Variants in AK2 observed in about 807,000 individuals in gnomAD.
AK2 encodes adenylate kinase 2, mitochondrial.
In AK2, 15 loss-of-function variants were observed where a neutral mutation model predicts 24.6. That is an observed-to-expected ratio of 0.61 (90% CI 0.41 to 0.94). The LOEUF (loss-of-function observed/expected upper bound fraction) is 0.94. Among genes scored for constraint, AK2 ranks in the 40% least tolerant of loss-of-function variants. The pLI, the probability that AK2 is intolerant of heterozygous loss-of-function variation, is 0.00. For synonymous variants in AK2, 102 were observed against 114.0 expected, an observed-to-expected ratio of 0.90 and a Z score of 0.67; for missense variants, 257 against 304.1, an observed-to-expected ratio of 0.85 and a Z score of 1.15.
Position 33,021,806 on chromosome 1 carries a change from C to T in AK2, c.220-103G>A, listed in dbSNP as rs577063618. On this transcript the variant is annotated intron_variant, in intron 2 of 5. Coordinates refer to ENST00000672715, the MANE Select transcript of AK2 (RefSeq NM_001625.4). ...AAAGTTTGTGTATATAACCTTATTA[C>T]TAAACAGCAAGTTTTCTTGGACCCA... 1.7e-4 allele frequency: 144 copies of T among 859,070 alleles called. 4 individuals carry two copies. The highest frequency in any genetic ancestry group is 3.3e-4 in the East Asian group (13 of 38,972). The allele number at this position is 859,070 out of a possible 1,614,324, so 53.2% of individuals were successfully genotyped here.
At chr1:33,026,093 G>A (rs549897041) in intron 1 of AK2, among the ~76,000 whole-genome samples, 3 of 152,328 alleles carry the variant, frequency 2.0e-5, no homozygotes, top group African/African-American at 7.2e-5. Flanking sequence ...AATATAATCA[G>A]TTCAAGGAGC....
In AK2 at chr1:33,013,120, T is replaced by C; in HGVS notation, c.*61A>G. 1 of 1,613,636 alleles carries C rather than the reference T, an allele frequency of 6.2e-7. No homozygotes were observed. Among genetic ancestry groups the C allele is most frequent in the Non-Finnish European group, 8.5e-7 (1 of 1,180,020 alleles). ...GCCTGAGGAAGCTTCTCTTTGCCTG[T>C]CCTATCATTCCCACCCATTGCCTCA... On this transcript the variant is annotated 3_prime_UTR_variant, in exon 6 of 6. Transcript: ENST00000672715.
At position 33,012,658 on chromosome 1, in the gene AK2, A is replaced by T; in HGVS notation, c.*523T>A. 1 of 1,280,732 alleles carries T rather than the reference A, an allele frequency of 7.8e-7. No homozygotes were observed. Among genetic ancestry groups the T allele is most frequent in the South Asian group, 1.2e-5 (1 of 80,718 alleles). 79.3% of individuals were successfully genotyped at this position (1,280,732 alleles called of 1,614,324 possible). Reference sequence around the variant, plus strand: ...ACGTCTGTGATCCTGGCACTTCAGGAGGCCAAGGTGGGTGGATTGCTTAAG... The same window carrying T: ...ACGTCTGTGATCCTGGCACTTCAGGTGGCCAAGGTGGGTGGATTGCTTAAG... On this transcript the variant is annotated 3_prime_UTR_variant, in exon 6 of 6. Transcript: ENST00000672715.
At chr1:33,023,899 G>A (rs1419734836) in intron 2 of AK2, among the ~76,000 whole-genome samples, 3 of 152,310 alleles carry the variant, frequency 2.0e-5, no homozygotes, top group Non-Finnish European at 4.4e-5. Context: ...GGCCAAGTGC[G>A]GTGGCTCACG....
chr1:33,009,355 CAA>C lies in AK2; in HGVS notation c.*3824_*3825del. On this transcript the variant is annotated 3_prime_UTR_variant, in exon 6 of 6. Transcript: ENST00000672715. ...TAAACTAGGACACACAGAGAAGCAA[CAA>C]AGAGTGTTAAAGAAGCAACTGAAAA... 1 of 454,058 alleles carries C rather than the reference CAA, an allele frequency of 2.2e-6. No homozygotes were observed. The highest frequency in any genetic ancestry group is 1.6e-5 in the South Asian group (1 of 64,472). The allele number at this position is 454,058 out of a possible 1,614,324, so 28.1% of individuals were successfully genotyped here. A position where few individuals can be genotyped will look rare whatever the true frequency, so the allele number is the denominator to read the frequency against.
intron 5 of AK2, 55 bp downstream of exon 5, chr1:33,014,465 AAC>A (rs2124287269): frequency 7.4e-7 from 1 of 1,352,678 alleles, no homozygotes; most frequent in African/African-American, 1.4e-5. Context: ...GAAAAAGAAA[AAC>A]AGTGAAGAAA....
chr1:33,011,736 A>C lies in AK2; in HGVS notation c.*1445T>G, dbSNP rs1465799931. The C allele has an allele frequency of 1.2e-5, 17 of 1,360,550 alleles. No individual in the cohort carries two copies. Among genetic ancestry groups the C allele is most frequent in the Non-Finnish European group, 1.6e-5 (17 of 1,037,302 alleles). 84.3% of individuals were successfully genotyped at this position (1,360,550 alleles called of 1,614,324 possible). On this transcript the variant is annotated 3_prime_UTR_variant, in exon 6 of 6. Coordinates refer to ENST00000672715, the MANE Select transcript of AK2 (RefSeq NM_001625.4). ...CTGTTTGCCACAAATCAAACCAGAG[A>C]CCAAAAGACAGCAGGGACCTTAGAA... is the stretch of plus-strand genomic sequence containing the variant.
intron 1 of AK2, among the ~76,000 whole-genome samples, chr1:33,035,429 G>A (rs925500640): frequency 1.3e-5 from 2 of 152,174 alleles, no homozygotes; most frequent in Non-Finnish European, 2.9e-5. Flanking sequence ...TGAGTAAGAT[G>A]GTCTGTTTGC....
At position 33,026,555 on chromosome 1, in the gene AK2, T is replaced by C. The variant is rs532525760; in HGVS notation, c.94-1988A>G. Among the ~76,000 whole-genome samples the C allele has an allele frequency of 2.6e-5, 4 of 152,340 alleles. No homozygotes were observed. In the East Asian group the frequency reaches 7.7e-4, roughly 29 times the overall value. On this transcript the variant is annotated intron_variant, in intron 1 of 5. Transcript: ENST00000672715. ...CGGGTGCAGTGGCTCACGCCTGTAA[T>C]CCCAGCACTTTGGGAGGCCAAGGCG... is the stretch of plus-strand genomic sequence containing the variant.
rs1638641788 is a variant in AK2 at position 33,009,050 on chromosome 1, C to G, written c.*4131G>C. ...AACAGATCAGTGCAAATCAGTAAGG[C>G]TAACACCTGAAAATGACTCTGCACA... On this transcript the variant is annotated 3_prime_UTR_variant, in exon 6 of 6. Coordinates refer to ENST00000672715, the MANE Select transcript of AK2 (RefSeq NM_001625.4). 1 of 453,974 alleles carries G rather than the reference C, an allele frequency of 2.2e-6. No individual in the cohort carries two copies. The highest frequency in any genetic ancestry group is 2.0e-5 in the African/African-American group (1 of 50,006). 28.1% of individuals were successfully genotyped at this position (453,974 alleles called of 1,614,324 possible).
chr1:33,019,153 C>T (rs1639378329), intron 4 of AK2, among the ~76,000 whole-genome samples: 1 of 152,204 alleles, frequency 6.6e-6, no homozygotes, highest in African/African-American at 2.4e-5. Context: ...CTATCCTAGG[C>T]AGCCTTTCTT....
Position 33,021,473 on chromosome 1 carries a change from T to A in AK2, c.331-12A>T. On this transcript the variant is annotated splice_polypyrimidine_tract_variant and intron_variant, in intron 3 of 5. Transcript: ENST00000672715. Reference sequence around the variant, plus strand: ...ATGAGGTCATCGAGCTGTAAAAGAATGTGTGGCCCACCTAAGCTACCAGAG... The same window carrying A: ...ATGAGGTCATCGAGCTGTAAAAGAAAGTGTGGCCCACCTAAGCTACCAGAG... 6.2e-7 allele frequency: 1 copy of A among 1,613,532 alleles called. No homozygotes were observed. The highest frequency in any genetic ancestry group is 2.2e-5 in the East Asian group (1 of 44,884).
intron 4 of AK2, among the ~76,000 whole-genome samples, chr1:33,017,001 G>A (rs553225211): frequency 4.0e-5 from 6 of 151,288 alleles, no homozygotes; most frequent in East Asian, 2.0e-4. Flanking sequence ...CACCGCGCCC[G>A]GTCTAGTTTT....
chr1:33,034,594 A>G (rs1640464915), intron 1 of AK2, among the ~76,000 whole-genome samples: 1 of 152,172 alleles, frequency 6.6e-6, no homozygotes, highest in Non-Finnish European at 1.5e-5. Flanking sequence ...TGCTCATGAA[A>G]TGCTGAATGA....
intron 1 of AK2, among the ~76,000 whole-genome samples, chr1:33,027,091 G>A (rs1157112280): frequency 6.6e-6 from 1 of 152,078 alleles, no homozygotes; most frequent in Admixed American, 6.6e-5. Flanking sequence ...CAGCCCGGGC[G>A]AAGAAGCAAG....
rs762915427 is a variant in AK2, at chr1:33,012,073, C to T, written c.*1108G>A. The T allele has an allele frequency of 2.0e-6, 3 of 1,535,422 alleles. No homozygotes were observed. The highest frequency in any genetic ancestry group is 1.2e-5 in the South Asian group (1 of 84,054). On this transcript the variant is annotated 3_prime_UTR_variant, in exon 6 of 6. Coordinates refer to ENST00000672715, the MANE Select transcript of AK2 (RefSeq NM_001625.4). Reference sequence around the variant, plus strand: ...TTAAAAATAAAAGCAAATAAACCTACCCTGGTCTCTTTTTGGGGAAGTAGA... The same window carrying T: ...TTAAAAATAAAAGCAAATAAACCTATCCTGGTCTCTTTTTGGGGAAGTAGA...
At chr1:33,013,954 C>T (rs1044716154) in intron 5 of AK2, among the ~76,000 whole-genome samples, 1 of 152,098 alleles carries the variant, frequency 6.6e-6, no homozygotes, top group Non-Finnish European at 1.5e-5. Flanking sequence ...ATTTATAGAA[C>T]CTGAATGACC....
intron 1 of AK2, 130 bp from the exon 2 acceptor site, chr1:33,024,697 G>T: frequency 1.8e-6 from 2 of 1,108,062 alleles, no homozygotes; most frequent in Non-Finnish European, 2.7e-6. Context: ...TTCCTTACCT[G>T]TAATGGGGAT....
chr1:33,009,587 G>A lies in AK2; in HGVS notation c.*3594C>T, dbSNP rs1181349962. The A allele has an allele frequency of 4.4e-6, 2 of 453,960 alleles. No homozygotes were observed. The highest frequency in any genetic ancestry group is 2.4e-5 in the Admixed American group (1 of 42,548). 28.1% of individuals were successfully genotyped at this position (453,960 alleles called of 1,614,324 possible). A position where few individuals can be genotyped will look rare whatever the true frequency, so the allele number is the denominator to read the frequency against. On this transcript the variant is annotated 3_prime_UTR_variant, in exon 6 of 6. Coordinates refer to ENST00000672715, the MANE Select transcript of AK2 (RefSeq NM_001625.4). ...ATAAATTTCATTTAATGCCATTAAG[G>A]CCAAGAAGGTGGCATAACCAACTTC...
Sources: gnomAD v4.1 joint callset for allele counts (sites outside exome capture counted in the v4.1 genomes callset) on GRCh38, gnomAD v4.1.1 for gene constraint, MANE v1.5 for transcripts, NCBI Gene and HGNC (gene_info 2026-07-23, HGNC 2026-07-21) for gene names.